The following ALK variants were observed in gnomAD, a reference collection of about 807,000 sequenced individuals.
ALK encodes ALK tyrosine kinase receptor.
A neutral mutation model predicts 163.1 loss-of-function variants in ALK; 74 were observed. The observed-to-expected ratio is 0.45, with a 90% CI of 0.38 to 0.55. ALK has a LOEUF of 0.55. ALK is among the 20% of genes least tolerant of loss of function. The pLI is 0.00. For synonymous variants in ALK, 960 were observed against 843.2 expected (o/e 1.14, Z -2.40); for missense variants, 2,063 against 2,105.3 (o/e 0.98, Z 0.39).
At chr2:29,671,756 G>C (rs1003688869) in intron 3 of ALK, among the ~76,000 whole-genome samples, 2 of 152,028 alleles carry the variant, frequency 1.3e-5, no homozygotes, top group East Asian at 1.9e-4. Flanking sequence ...TGAATTTCAA[G>C]TGTTGCTAGT....
Position 29,193,121 on chromosome 2 carries a change from AC to A in ALK, c.*102del. On this transcript the variant is annotated 3_prime_UTR_variant, in exon 29 of 29. Transcript: ENST00000389048. ...GTACTTCAAAATAGGTTGGCACAAAACAAAACGTGACATTTGGTCTCTGGTT... is the reference window on the plus strand; with the variant it reads ...GTACTTCAAAATAGGTTGGCACAAAAAAAACGTGACATTTGGTCTCTGGTT... 7 of 1,328,908 alleles carry A rather than the reference AC, an allele frequency of 5.3e-6. No homozygotes were observed. Among genetic ancestry groups the A allele is most frequent in the Non-Finnish European group, 7.4e-6 (7 of 941,666 alleles). 82.3% of individuals were successfully genotyped at this position (1,328,908 alleles called of 1,614,324 possible).
rs776547376 is a variant in ALK, at chr2:29,207,254, C to T, written c.3855G>A (p.Lys1285=). The part of the protein sequence containing the change: ...RDIYRASYYR[K]GGCAMLPVKW... ...TAACTGGCAGCATGGCACAGCCTCCCTTTCTATAGTAGCTCGCCCTGTGGG... is the reference window on the plus strand; with the variant it reads ...TAACTGGCAGCATGGCACAGCCTCCTTTTCTATAGTAGCTCGCCCTGTGGG... Residue 1285 remains lysine (K), a synonymous_variant, in exon 26 of 29, where the codon AAG becomes AAA. Transcript: ENST00000389048. 1.2e-5 allele frequency: 20 copies of T among 1,614,008 alleles called. No homozygotes were observed. Among genetic ancestry groups the T allele is most frequent in the African/African-American group, 4.0e-5 (3 of 74,912 alleles).
intron 9 of ALK, among the ~76,000 whole-genome samples, chr2:29,281,818 G>C (rs1451251996): frequency 2.0e-5 from 3 of 152,232 alleles, no homozygotes; most frequent in Non-Finnish European, 4.4e-5. Flanking sequence ...ATCTCTGCCT[G>C]AGAAATGCCG....
intron 5 of ALK, among the ~76,000 whole-genome samples, chr2:29,357,275 A>G (rs1668272680): frequency 6.6e-6 from 1 of 152,182 alleles, no homozygotes; most frequent in African/African-American, 2.4e-5. Flanking sequence ...GACACTAGTT[A>G]GTTCTTTGCC....
chr2:29,612,601 C>G (rs1010949659), intron 3 of ALK, among the ~76,000 whole-genome samples: 1 of 152,162 alleles, frequency 6.6e-6, no homozygotes, highest in Non-Finnish European at 1.5e-5. Flanking sequence ...CCCGAATTCC[C>G]CCAAAACTTA....
chr2:29,516,898 T>A (rs1421542011), intron 4 of ALK, among the ~76,000 whole-genome samples: 1 of 152,242 alleles, frequency 6.6e-6, no homozygotes, highest in Non-Finnish European at 1.5e-5. Context: ...CTATCTCTGG[T>A]CAGGGATGCT....
chr2:29,827,671 G>A (rs961565097), intron 1 of ALK, among the ~76,000 whole-genome samples: 5 of 152,076 alleles, frequency 3.3e-5, no homozygotes, highest in African/African-American at 1.2e-4. Context: ...GACTGAGAAT[G>A]AAAGATGAAG....
At chr2:29,760,845 C>T (rs1680680331) in intron 1 of ALK, among the ~76,000 whole-genome samples, 1 of 152,204 alleles carries the variant, frequency 6.6e-6, no homozygotes, top group African/African-American at 2.4e-5. Flanking sequence ...CAACACACCT[C>T]AACATGCTCT....
chr2:29,525,656 G>A (rs1271957206), intron 4 of ALK, among the ~76,000 whole-genome samples: 1 of 151,976 alleles, frequency 6.6e-6, no homozygotes, highest in Non-Finnish European at 1.5e-5. Flanking sequence ...CAGGTGTGGT[G>A]GTGGGGGCCT....
chr2:29,811,584 A>C (rs146293576), intron 1 of ALK, among the ~76,000 whole-genome samples: 355 of 152,340 alleles, frequency 2.3e-3, no homozygotes, highest in Admixed American at 4.2e-3. Flanking sequence ...ATTGCTTCAC[A>C]CAGGAAATAT....
intron 1 of ALK, among the ~76,000 whole-genome samples, chr2:29,777,026 G>A (rs911502859): frequency 2.6e-5 from 4 of 152,076 alleles, no homozygotes; most frequent in Non-Finnish European, 5.9e-5. Flanking sequence ...GGGGGCCATG[G>A]AGTCGGGATT....
At chr2:29,912,830 A>AC (rs1430472311) in intron 1 of ALK, among the ~76,000 whole-genome samples, 3 of 152,160 alleles carry the variant, frequency 2.0e-5, no homozygotes, top group Admixed American at 2.0e-4. Flanking sequence ...TCTCCTCACC[A>AC]CAGAACACTT....
intron 3 of ALK, among the ~76,000 whole-genome samples, chr2:29,595,036 T>TACACGATTAA (rs1192701983): frequency 3.2e-4 from 48 of 152,304 alleles, no homozygotes; most frequent in African/African-American, 1.2e-3. Flanking sequence ...AATATCTTTT[T>TACACGATTAA]ACACGATTAA....
At chr2:29,638,773 C>G (rs1558420541) in intron 3 of ALK, among the ~76,000 whole-genome samples, 3 of 152,098 alleles carry the variant, frequency 2.0e-5, no homozygotes, top group Admixed American at 1.3e-4. Context: ...TGGGACTGAA[C>G]CACAGCACCC....
chr2:29,899,324 A>G (rs953625459), intron 1 of ALK, among the ~76,000 whole-genome samples: 2 of 152,200 alleles, frequency 1.3e-5, no homozygotes, highest in Admixed American at 6.5e-5. Context: ...TTGTTCTCCA[A>G]AGACCCTTGC....
intron 11 of ALK, among the ~76,000 whole-genome samples, chr2:29,255,167 A>T (rs1220204326): frequency 6.6e-6 from 1 of 152,200 alleles, no homozygotes; most frequent in East Asian, 1.9e-4. Flanking sequence ...TATGATTCCC[A>T]CCAGCACTGC....
At chr2:29,449,268 C>T (rs1482338340) in intron 4 of ALK, among the ~76,000 whole-genome samples, 1 of 152,176 alleles carries the variant, frequency 6.6e-6, no homozygotes, top group Non-Finnish European at 1.5e-5. Context: ...GTCAACTAAT[C>T]TGAATTTTCT....
chr2:29,317,869 G>C (rs1480178843), intron 8 of ALK, among the ~76,000 whole-genome samples: 1 of 152,126 alleles, frequency 6.6e-6, no homozygotes, highest in African/African-American at 2.4e-5. Context: ...GAGTAGTTTT[G>C]GAGGTACCTC....
intron 2 of ALK, among the ~76,000 whole-genome samples, chr2:29,707,115 C>T (rs1573571841): frequency 1.3e-5 from 2 of 151,334 alleles, no homozygotes; most frequent in African/African-American, 4.9e-5. Context: ...CTCAATATGA[C>T]ATCTGTCTAA....
Sources: allele counts gnomAD v4.1 joint callset (sites outside exome capture counted in the v4.1 genomes callset), GRCh38; gene constraint gnomAD v4.1.1; transcripts MANE v1.5; gene names NCBI Gene and HGNC (gene_info 2026-07-23, HGNC 2026-07-21).